Variants in GTF3C1 observed in about 807,000 individuals in gnomAD.
GTF3C1 encodes the protein general transcription factor 3C polypeptide 1.
GTF3C1 carries 57 observed loss-of-function variants against 226.7 expected under a neutral mutation model. The observed-to-expected ratio is 0.25, with a 90% CI of 0.20 to 0.31. The LOEUF (loss-of-function observed/expected upper bound fraction) is 0.31. Among genes scored for constraint, GTF3C1 ranks in the 10% least tolerant of loss-of-function variants. The pLI is 1.00. For missense variants in GTF3C1, 2,217 were observed against 2,776.1 expected, an observed-to-expected ratio of 0.80 and a Z score of 4.53; for synonymous variants, 1,090 against 1,084.8, an observed-to-expected ratio of 1.00 and a Z score of -0.09.
rs1437780354 is a variant in GTF3C1, at chr16:27,471,543, CAAA to C, written c.4526+202_4526+204del. On this transcript the variant is annotated intron_variant, in intron 30 of 36. Coordinates refer to ENST00000356183, the MANE Select transcript of GTF3C1 (RefSeq NM_001520.4). This position sits in a 1 kb window ranked among gnomAD's most constrained non-coding sequence, Gnocchi z 5.0. ...CTGCAAAATGGTAACGCCGCCAACACAAAGAAGCTGCCAGCGCTCACCTGATCC... is the reference window on the plus strand; with the variant it reads ...CTGCAAAATGGTAACGCCGCCAACACGAAGCTGCCAGCGCTCACCTGATCC... 20 of 524,914 alleles carry C rather than the reference CAAA, an allele frequency of 3.8e-5. No homozygotes were observed. Among genetic ancestry groups the C allele is most frequent in the Non-Finnish European group, 6.8e-5 (20 of 294,472 alleles). The allele number at this position is 524,914 out of a possible 1,614,324, so 32.5% of individuals were successfully genotyped here. A position where few individuals can be genotyped will look rare whatever the true frequency, so the allele number is the denominator to read the frequency against.
chr16:27,531,213 C>T (rs1317223710), intron 5 of GTF3C1, among the ~76,000 whole-genome samples: 1 of 152,232 alleles, frequency 6.6e-6, no homozygotes, highest in East Asian at 1.9e-4. Context: ...GTCCCCACTC[C>T]TCAGCCAGCA....
chr16:27,462,026 A>C lies in GTF3C1; in HGVS notation c.6117+268T>G. 6.3e-6 allele frequency: 3 copies of C among 478,330 alleles called. No homozygotes were observed. The highest frequency in any genetic ancestry group is 3.2e-5 in the East Asian group (1 of 30,982). 29.6% of individuals were successfully genotyped at this position (478,330 alleles called of 1,614,324 possible). Reference sequence around the variant, plus strand: ...CTGCTTGACCCGTGGGGCCCGGCGGACTCATGAGTTAGTGACCCCTGGCAC... The same window carrying C: ...CTGCTTGACCCGTGGGGCCCGGCGGCCTCATGAGTTAGTGACCCCTGGCAC... On this transcript the variant is annotated intron_variant, in intron 36 of 36. Transcript: ENST00000356183. The surrounding 1 kb of genome is among the most constrained non-coding windows in gnomAD (Gnocchi z 4.5).
chr16:27,480,781 C>T (rs1367650180), intron 27 of GTF3C1: 7 of 352,806 alleles, frequency 2.0e-5, no homozygotes, highest in African/African-American at 6.2e-5. Context: ...ACCTTGGGCA[C>T]GTTACTTACA....
intron 28 of GTF3C1, among the ~76,000 whole-genome samples, chr16:27,476,852 A>G (rs2087958728): frequency 6.6e-6 from 1 of 152,224 alleles, no homozygotes; most frequent in African/African-American, 2.4e-5. Flanking sequence ...CTCCGAAGAA[A>G]AAAGGTTTCT....
rs191311390 is a variant in GTF3C1, at chr16:27,492,194, C to A, written c.3151+144G>T. On this transcript the variant is annotated intron_variant, in intron 19 of 36. Coordinates refer to ENST00000356183, the MANE Select transcript of GTF3C1 (RefSeq NM_001520.4). The surrounding 1 kb of genome is among the most constrained non-coding windows in gnomAD (Gnocchi z 5.0). ...CCGCCACTTTCCTTTCCAAGGGAGC[C>A]CCAGGGGTGCTCTGGGCCTCTGGGG... 8 of 596,110 alleles carry A rather than the reference C, an allele frequency of 1.3e-5. No individual in the cohort carries two copies. Among genetic ancestry groups the A allele is most frequent in the South Asian group, 4.4e-5 (2 of 45,258 alleles). 36.9% of individuals were successfully genotyped at this position (596,110 alleles called of 1,614,324 possible).
intron 7 of GTF3C1, among the ~76,000 whole-genome samples, chr16:27,509,554 G>A (rs1014525223): frequency 2.0e-5 from 3 of 151,736 alleles, no homozygotes; most frequent in East Asian, 1.9e-4. Flanking sequence ...TCAGGAGATC[G>A]AGACCATCCT....
chr16:27,522,451 A>G (rs890691482), intron 6 of GTF3C1, among the ~76,000 whole-genome samples: 1 of 152,216 alleles, frequency 6.6e-6, no homozygotes, highest in Non-Finnish European at 1.5e-5. Flanking sequence ...TCTCAGTTCT[A>G]TTCGGTTATC....
intron 7 of GTF3C1, among the ~76,000 whole-genome samples, chr16:27,509,572 A>G (rs2088541536): frequency 1.3e-5 from 2 of 151,800 alleles, no homozygotes; most frequent in Admixed American, 1.3e-4. Context: ...CCTGGCTAAC[A>G]CAGTGAAACC....
chr16:27,545,564 C>T, intron 1 of GTF3C1, 41 bp from the exon 2 acceptor site: 1 of 1,145,140 alleles, frequency 8.7e-7, no homozygotes. Flanking sequence ...AACTCAGCTT[C>T]AGATATAATG....
intron 6 of GTF3C1, among the ~76,000 whole-genome samples, chr16:27,518,986 G>A (rs888270495): frequency 2.0e-5 from 3 of 152,224 alleles, no homozygotes; most frequent in African/African-American, 7.2e-5. Context: ...TAGCAGACTA[G>A]CAGGGCCAGC....
chr16:27,549,563 C>T (rs1245538037), intron 1 of GTF3C1, 107 bp downstream of exon 1: 9 of 698,052 alleles, frequency 1.3e-5, no homozygotes, highest in Non-Finnish European at 1.9e-5. Context: ...CAACAGGCCT[C>T]CGGTACTTGC....
At chr16:27,490,418 G>A (rs2088215656) in intron 19 of GTF3C1, among the ~76,000 whole-genome samples, 1 of 152,218 alleles carries the variant, frequency 6.6e-6, no homozygotes. Context: ...GGAGACCTCG[G>A]CTTGATGGCA....
Position 27,465,539 on chromosome 16 carries a change from G to T in GTF3C1, c.5076C>A (p.Ala1692=). ...CCATTGTTAGCTCTTCCAGAGGAGC[G>T]GCTGTGGGGACACAGAGGAAGATCA... is the stretch of plus-strand genomic sequence containing the variant. ...TPVPARLRPA[A]APLEELTMGT... is the part of the protein sequence containing the mutation. The change falls in exon 33 of 37, where the codon GCC becomes GCA. Residue 1692 remains alanine (A), a splice_region_variant and synonymous_variant. Transcript: ENST00000356183. 1 of 1,595,566 alleles carries T rather than the reference G, an allele frequency of 6.3e-7. No individual in the cohort carries two copies. The highest frequency in any genetic ancestry group is 8.5e-7 in the Non-Finnish European group (1 of 1,177,312).
At position 27,470,755 on chromosome 16, in the gene GTF3C1, C is replaced by G. The variant is rs1405291462; in HGVS notation, c.4527-360G>C. ...ACGCTTTCTGTAATAATAGTCTCCG[C>G]ACAAAGCCAGCCCTGGTCTTACACA... On this transcript the variant is annotated intron_variant, in intron 30 of 36. Coordinates refer to ENST00000356183, the MANE Select transcript of GTF3C1 (RefSeq NM_001520.4). The surrounding 1 kb of genome is among the most constrained non-coding windows in gnomAD (Gnocchi z 4.9). 1 of 256,014 alleles carries G rather than the reference C, an allele frequency of 3.9e-6. No homozygotes were observed. The highest frequency in any genetic ancestry group is 2.2e-5 in the African/African-American group (1 of 45,224). 15.9% of individuals were successfully genotyped at this position (256,014 alleles called of 1,614,324 possible).
chr16:27,475,257 T>C (rs2087934361), intron 29 of GTF3C1, among the ~76,000 whole-genome samples: 1 of 152,220 alleles, frequency 6.6e-6, no homozygotes, highest in African/African-American at 2.4e-5. Flanking sequence ...GAATAGGGCT[T>C]GGGCTTAACA....
At chr16:27,521,025 A>G (rs913716042) in intron 6 of GTF3C1, among the ~76,000 whole-genome samples, 2 of 152,082 alleles carry the variant, frequency 1.3e-5, no homozygotes, top group Non-Finnish European at 2.9e-5. Flanking sequence ...AGCCTCCCCA[A>G]TGCTCTTAAA....
chr16:27,506,494 C>T (rs2088487012), intron 9 of GTF3C1, among the ~76,000 whole-genome samples: 1 of 152,134 alleles, frequency 6.6e-6, no homozygotes, highest in Non-Finnish European at 1.5e-5. Context: ...GTGTCATCAG[C>T]ACCACTCTCT....
At chr16:27,532,488 C>T (rs1247052158) in intron 5 of GTF3C1, among the ~76,000 whole-genome samples, 1 of 152,214 alleles carries the variant, frequency 6.6e-6, no homozygotes, top group Admixed American at 6.5e-5. Context: ...CTAACGTTGG[C>T]TCTTTCCTGA....
intron 32 of GTF3C1, chr16:27,466,322 T>A (rs2087786327): frequency 6.6e-6 from 1 of 152,224 alleles, no homozygotes; most frequent in East Asian, 1.9e-4. Flanking sequence ...TTCATGATTA[T>A]CATATCTGTG....
Sources: allele counts gnomAD v4.1 joint callset (sites outside exome capture counted in the v4.1 genomes callset), GRCh38; gene constraint gnomAD v4.1.1; non-coding constraint Gnocchi (gnomAD v3.1); transcripts MANE v1.5; gene names NCBI Gene and HGNC (gene_info 2026-07-23, HGNC 2026-07-21).